The following SLC23A1 variants were observed in gnomAD, a reference collection of about 807,000 sequenced individuals.
SLC23A1 encodes Na(+)/L-ascorbic acid transporter 1.
In SLC23A1, 31 loss-of-function variants were observed where a neutral mutation model predicts 62.5. That is an observed-to-expected ratio of 0.50 (90% CI 0.37 to 0.67). The LOEUF is 0.67. SLC23A1 is among the 30% of genes least tolerant of loss of function. SLC23A1 has a pLI of 0.00. For missense variants in SLC23A1, 640 were observed against 782.7 expected, an observed-to-expected ratio of 0.82 and a Z score of 2.18; for synonymous variants, 271 against 313.2, an observed-to-expected ratio of 0.87 and a Z score of 1.42.
At chr5:139,374,738 G>A (rs1232470153) in intron 13 of SLC23A1, among the ~76,000 whole-genome samples, 2 of 152,174 alleles carry the variant, frequency 1.3e-5, no homozygotes, top group African/African-American at 2.4e-5. Context: ...AGGGACTCAG[G>A]CAGTTCTGCA....
chr5:139,373,760 A>G (rs963591053), intron 13 of SLC23A1, among the ~76,000 whole-genome samples: 6 of 136,050 alleles, frequency 4.4e-5, no homozygotes, highest in Admixed American at 7.0e-5. Flanking sequence ...TACAAAGGGC[A>G]CACACAGTCT....
chr5:139,375,816 CAA>C (rs937872323), intron 13 of SLC23A1, among the ~76,000 whole-genome samples: 2 of 131,508 alleles, frequency 1.5e-5, no homozygotes, highest in African/African-American at 5.7e-5. Flanking sequence ...GCCTGGGTGA[CAA>C]GAGCAAGACT....
rs1336615259 is a variant in SLC23A1 at position 139,367,271 on chromosome 5, T to G, written c.*380A>C. On this transcript the variant is annotated 3_prime_UTR_variant, in exon 15 of 15. Transcript: ENST00000348729. The stretch of plus-strand genomic sequence containing the variant: ...TAGGGTCAAATTCAATGTAAAAGCC[T>G]TGCAGCATACCTACATTTCAGGCCC... 1 of 152,210 alleles carries G rather than the reference T, an allele frequency of 6.6e-6. No homozygotes were observed. The highest frequency in any genetic ancestry group is 1.5e-5 in the Non-Finnish European group (1 of 68,024). 9.4% of individuals were successfully genotyped at this position (152,210 alleles called of 1,614,324 possible).
chr5:139,383,534 C>G, upstream of SLC23A1, among the ~76,000 whole-genome samples: 1 of 152,096 alleles, frequency 6.6e-6, no homozygotes, highest in East Asian at 1.9e-4. Context: ...GGGCCAGAGT[C>G]GAGGGGGTGA....
intron 4 of SLC23A1, 62 bp from the exon 5 acceptor site, chr5:139,380,694 T>A: frequency 6.7e-7 from 1 of 1,500,516 alleles, no homozygotes; most frequent in Non-Finnish European, 9.3e-7. Context: ...GGAGAGAAGA[T>A]GCTGCCATGG....
chr5:139,379,807 G>A lies in SLC23A1; in HGVS notation c.796C>T (p.Leu266=), dbSNP rs376232033. Residue 266 remains leucine (L), a synonymous_variant, in exon 8 of 15, where the codon CTG becomes TTG. Transcript: ENST00000348729. This position sits in a 1 kb window ranked among gnomAD's most constrained non-coding sequence, Gnocchi z 4.7. ...PIMLAIMTVW[L]LCYVLTLTDV... ...GTCAAGGTCAGGACATAGCAGAGCA[G>A]CCACACGGTCATGATGGCCAGCATG... is the stretch of plus-strand genomic sequence containing the variant. 91 of 1,614,160 alleles carry A rather than the reference G, an allele frequency of 5.6e-5. No homozygotes were observed. Among genetic ancestry groups the A allele is most frequent in the Non-Finnish European group, 7.4e-5 (87 of 1,180,012 alleles).
At chr5:139,374,665 C>T (rs1581358038) in intron 13 of SLC23A1, among the ~76,000 whole-genome samples, 1 of 152,162 alleles carries the variant, frequency 6.6e-6, no homozygotes, top group Non-Finnish European at 1.5e-5. Context: ...TGTGGCATGA[C>T]ACACAGGATG....
intron 13 of SLC23A1, among the ~76,000 whole-genome samples, chr5:139,373,913 C>T (rs1376791268): frequency 6.6e-6 from 1 of 152,144 alleles, no homozygotes; most frequent in Non-Finnish European, 1.5e-5. Context: ...CACATGGCAG[C>T]CAGCCCAGAG....
At chr5:139,380,461 GCTCCTGGACCAC>G (rs778899299) in intron 5 of SLC23A1, 72 bp from the exon 6 acceptor site, 5 of 1,600,096 alleles carry the variant, frequency 3.1e-6, no homozygotes, top group Non-Finnish European at 4.3e-6. Flanking sequence ...CAGGAACAAA[GCTCCTGGACCAC>G]CTCCTCAAAT....
At chr5:139,371,508 T>C (rs1757666512) in intron 14 of SLC23A1, among the ~76,000 whole-genome samples, 1 of 152,248 alleles carries the variant, frequency 6.6e-6, no homozygotes, top group Non-Finnish European at 1.5e-5. Flanking sequence ...GATAAAGGCA[T>C]CCTGTTTTAA....
chr5:139,383,942 A>G (rs140590196), upstream of SLC23A1, among the ~76,000 whole-genome samples: 6 of 152,358 alleles, frequency 3.9e-5, no homozygotes, highest in East Asian at 1.2e-3. Flanking sequence ...CTCTGCAGGC[A>G]GAGCTGCCTA....
intron 14 of SLC23A1, among the ~76,000 whole-genome samples, chr5:139,370,025 TTTG>T (rs1384958579): frequency 1.3e-5 from 2 of 152,234 alleles, no homozygotes; most frequent in Non-Finnish European, 2.9e-5. Flanking sequence ...TCCATTGTTT[TTTG>T]TTCTTCACAA....
Position 139,382,539 on chromosome 5 carries a change from T to C in SLC23A1, c.103A>G (p.Ile35Val), listed in dbSNP as rs1237223277. ...AGGTACCAAGGTGGCACGTCCTCGA[T>C]CTTGTACAACATGTCAAACTTAGGC... ...TEPKFDMLYK[I>V]EDVPPWYLCI... Residue 35 changes from isoleucine to valine, a missense_variant, in exon 2 of 15, where the codon ATC becomes GTC. Ile to Val is a conservative substitution (Grantham distance 29). Transcript: ENST00000348729. 6.2e-7 allele frequency: 1 copy of C among 1,613,528 alleles called. No individual in the cohort carries two copies. The highest frequency in any genetic ancestry group is 2.2e-5 in the East Asian group (1 of 44,852).
Position 139,378,166 on chromosome 5 carries a change from G to A in SLC23A1, c.1310-48C>T. On this transcript the variant is annotated intron_variant, in intron 11 of 14. Coordinates refer to ENST00000348729, the MANE Select transcript of SLC23A1 (RefSeq NM_005847.5). The surrounding 1 kb of genome is among the most constrained non-coding windows in gnomAD (Gnocchi z 4.5). ...GGAGGCGCCGCACACGCGTAATCCA[G>A]GTGAGTCCCACTCGGCGACCCGCAC... The A allele has an allele frequency of 6.2e-7, 1 of 1,613,538 alleles. No homozygotes were observed. Among genetic ancestry groups the A allele is most frequent in the East Asian group, 2.2e-5 (1 of 44,876 alleles).
chr5:139,381,638 AAG>A (rs1267998995), intron 3 of SLC23A1, among the ~76,000 whole-genome samples: 2 of 150,910 alleles, frequency 1.3e-5, no homozygotes, highest in African/African-American at 2.4e-5. Flanking sequence ...AAAAAAAAAA[AAG>A]AGGGGAGAGC....
intron 13 of SLC23A1, among the ~76,000 whole-genome samples, chr5:139,373,175 TTTGTTG>T (rs963982098): frequency 2.2e-4 from 34 of 152,158 alleles, no homozygotes; most frequent in East Asian, 1.9e-3. Flanking sequence ...TTGTGTTTTT[TTTGTTG>T]TTGTTGTTGT....
In SLC23A1 at chr5:139,378,411, C is replaced by T. The variant is rs1758059571; in HGVS notation, c.1180-60G>A. 1 of 1,532,922 alleles carries T rather than the reference C, an allele frequency of 6.5e-7. No homozygotes were observed. The highest frequency in any genetic ancestry group is 8.8e-7 in the Non-Finnish European group (1 of 1,135,628). The allele number at this position is 1,532,922 out of a possible 1,614,324, so 95.0% of individuals were successfully genotyped here. A position where few individuals can be genotyped will look rare whatever the true frequency, so the allele number is the denominator to read the frequency against. The stretch of plus-strand genomic sequence containing the variant: ...GACGAGGCTGGGGCGGGGTTAGTTC[C>T]AGGGGCGGGGCCTGTTATAAGAGCG... On this transcript the variant is annotated intron_variant, in intron 10 of 14. Coordinates refer to ENST00000348729, the MANE Select transcript of SLC23A1 (RefSeq NM_005847.5). The surrounding 1 kb of genome is among the most constrained non-coding windows in gnomAD (Gnocchi z 4.5).
chr5:139,383,205 C>T lies in SLC23A1; in HGVS notation c.36+13G>A, dbSNP rs1196284327. ...CCCTGCCCCCCCTAGCCCCCACCCC[C>T]AGCCCCCAGCACCTGTGTCCGGCCC... On this transcript the variant is annotated intron_variant, in intron 1 of 14. Transcript: ENST00000348729. 6.2e-6 allele frequency: 9 copies of T among 1,455,560 alleles called. No individual in the cohort carries two copies. The South Asian group carries it at 9.1e-5, about 15-fold the overall frequency. The allele number at this position is 1,455,560 out of a possible 1,614,324, so 90.2% of individuals were successfully genotyped here.
chr5:139,374,431 C>T (rs182825935), intron 13 of SLC23A1, among the ~76,000 whole-genome samples: 27 of 152,246 alleles, frequency 1.8e-4, no homozygotes, highest in African/African-American at 5.3e-4. Context: ...AGCGAGACTC[C>T]GTCTCAAAAA....
Sources: allele counts gnomAD v4.1 joint callset (sites outside exome capture counted in the v4.1 genomes callset), GRCh38; gene constraint gnomAD v4.1.1; non-coding constraint Gnocchi (gnomAD v3.1); transcripts MANE v1.5; gene names NCBI Gene and HGNC (gene_info 2026-07-23, HGNC 2026-07-21).